TBC1D22B: variants seen among roughly 807,000 people sequenced by gnomAD.
TBC1D22B encodes chromosome 6 open reading frame 197.
A neutral mutation model predicts 69.1 loss-of-function variants in TBC1D22B; 32 were observed. The ratio of observed to expected loss-of-function variants is 0.46; its 90% CI spans 0.35 to 0.62. The LOEUF (loss-of-function observed/expected upper bound fraction) is 0.62, where lower values mean the gene tolerates loss of function less well. Ranked by LOEUF, TBC1D22B falls within the 20% of genes least tolerant of loss-of-function variation. The pLI is 0.00. For missense variants in TBC1D22B, 462 were observed against 630.9 expected (o/e 0.73, Z 2.87); for synonymous variants, 206 against 229.8 (o/e 0.90, Z 0.94).
chr6:37,299,920 A>G lies in TBC1D22B; in HGVS notation c.982+8563A>G, dbSNP rs1400906336. ...GCTACTCGGGAGGCTGAGGCAGGAGAATCGCTTGAACCTGGGAGGCAGAGG... is the reference window on the plus strand; with the variant it reads ...GCTACTCGGGAGGCTGAGGCAGGAGGATCGCTTGAACCTGGGAGGCAGAGG... On this transcript the variant is annotated intron_variant, in intron 8 of 12. Transcript: ENST00000373491. Among the ~76,000 whole-genome samples the G allele has an allele frequency of 2.0e-5, 3 of 151,422 alleles. No homozygotes were observed. In the East Asian group the frequency reaches 5.8e-4, roughly 29 times the overall value.
intron 8 of TBC1D22B, among the ~76,000 whole-genome samples, chr6:37,308,518 T>G (rs1393077986): frequency 6.6e-6 from 1 of 152,198 alleles, no homozygotes; most frequent in Non-Finnish European, 1.5e-5. Flanking sequence ...TCTCACTGGC[T>G]GTGAAAACAA....
At chr6:37,304,958 G>C (rs569820631) in intron 8 of TBC1D22B, among the ~76,000 whole-genome samples, 1 of 152,218 alleles carries the variant, frequency 6.6e-6, no homozygotes, top group Non-Finnish European at 1.5e-5. Flanking sequence ...GTTTTAAACC[G>C]GGTGGTGAGC....
intron 8 of TBC1D22B, among the ~76,000 whole-genome samples, chr6:37,311,463 G>GTTGA (rs1204903734): frequency 2.0e-5 from 3 of 152,070 alleles, no homozygotes; most frequent in African/African-American, 7.2e-5. Flanking sequence ...CTTGAGTCCA[G>GTTGA]GAGTTTGAGA....
intron 2 of TBC1D22B, among the ~76,000 whole-genome samples, chr6:37,270,534 C>T (rs985272764): frequency 3.3e-5 from 5 of 152,124 alleles, no homozygotes; most frequent in Non-Finnish European, 7.4e-5. Context: ...TATTTTCAAG[C>T]ACAACAGAGA....
chr6:37,267,386 T>TATATATATACACATATATA (rs1766323319), intron 1 of TBC1D22B, among the ~76,000 whole-genome samples: 1 of 2,912 alleles, frequency 3.4e-4, no homozygotes, highest in African/African-American at 7.6e-4. Flanking sequence ...ACATATATAA[T>TATATATATACACATATATA]ATATATATAC....
At chr6:37,289,389 T>C (rs1767107524) in intron 7 of TBC1D22B, among the ~76,000 whole-genome samples, 1 of 152,208 alleles carries the variant, frequency 6.6e-6, no homozygotes, top group African/African-American at 2.4e-5. Flanking sequence ...TATCCCAGAC[T>C]TTTTCTATAG....
At chr6:37,295,116 A>G (rs866079756) in intron 8 of TBC1D22B, among the ~76,000 whole-genome samples, 12 of 152,136 alleles carry the variant, frequency 7.9e-5, no homozygotes, top group African/African-American at 2.9e-4. Context: ...TTATTTATTT[A>G]TTTGGAGACA....
At chr6:37,321,259 T>TC (rs1391581095) in intron 12 of TBC1D22B, among the ~76,000 whole-genome samples, 2 of 151,856 alleles carry the variant, frequency 1.3e-5, no homozygotes, top group African/African-American at 4.8e-5. Flanking sequence ...AGGCCTGGAA[T>TC]CCACTCTCTG....
At chr6:37,281,987 C>A (rs2113738974) in intron 3 of TBC1D22B, among the ~76,000 whole-genome samples, 198 bp from the exon 4 acceptor site, 1 of 152,282 alleles carries the variant, frequency 6.6e-6, no homozygotes, top group South Asian at 2.1e-4. Flanking sequence ...GATATAAATG[C>A]AGCCCTTTCT....
intron 6 of TBC1D22B, among the ~76,000 whole-genome samples, chr6:37,286,645 G>A (rs963123372): frequency 1.4e-5 from 2 of 145,610 alleles, no homozygotes; most frequent in Non-Finnish European, 3.0e-5. Context: ...AAAAAAAATT[G>A]TCAAAAGAAC....
At chr6:37,270,793 C>T (rs543824873) in intron 2 of TBC1D22B, among the ~76,000 whole-genome samples, 1 of 152,276 alleles carries the variant, frequency 6.6e-6, no homozygotes, top group East Asian at 1.9e-4. Context: ...AGGTTCTCAT[C>T]TTCCTGGGGC....
chr6:37,303,653 T>C (rs1000100958), intron 8 of TBC1D22B, among the ~76,000 whole-genome samples: 9 of 152,218 alleles, frequency 5.9e-5, no homozygotes, highest in African/African-American at 2.2e-4. Context: ...TAACTTGGCA[T>C]GTAAAGGCCC....
At chr6:37,301,399 G>A (rs1296000847) in intron 8 of TBC1D22B, among the ~76,000 whole-genome samples, 1 of 152,078 alleles carries the variant, frequency 6.6e-6, no homozygotes, top group African/African-American at 2.4e-5. Context: ...TCACCCCTAA[G>A]CCTCCCATCC....
intron 8 of TBC1D22B, among the ~76,000 whole-genome samples, chr6:37,299,880 C>T (rs1220047959): frequency 6.6e-6 from 1 of 151,846 alleles, no homozygotes; most frequent in Non-Finnish European, 1.5e-5. Context: ...ATGGTGGCGG[C>T]TGCCTGTTAT....
chr6:37,295,502 C>G (rs1767336441), intron 8 of TBC1D22B: 3 of 296,080 alleles, frequency 1.0e-5, no homozygotes, highest in Admixed American at 8.8e-5. Flanking sequence ...CAAGGTCAGC[C>G]AGCTAAGATT....
At chr6:37,291,929 G>C (rs192014890) in intron 8 of TBC1D22B, among the ~76,000 whole-genome samples, 22 of 152,170 alleles carry the variant, frequency 1.4e-4, no homozygotes, top group African/African-American at 4.8e-4. Flanking sequence ...GGGTTTTCTT[G>C]TAGTCCCAGC....
intron 8 of TBC1D22B, among the ~76,000 whole-genome samples, chr6:37,300,966 C>T (rs1767549344): frequency 6.6e-6 from 1 of 152,006 alleles, no homozygotes. Flanking sequence ...CGTCAACCCT[C>T]TGTTTCCCCT....
Position 37,277,083 on chromosome 6 carries a change from G to A in TBC1D22B, c.114-2221G>A, listed in dbSNP as rs538808786. Among the ~76,000 whole-genome samples, 5 of 152,180 alleles carry A rather than the reference G, an allele frequency of 3.3e-5. No individual in the cohort carries two copies. In the South Asian group the frequency reaches 1.0e-3, roughly 32 times the overall value. Reference sequence around the variant, plus strand: ...GTCTCTCCCTGTAGTGTGTTCATCCGGTCCTGGTGTGCGTGTGTGTCACCC... The same window carrying A: ...GTCTCTCCCTGTAGTGTGTTCATCCAGTCCTGGTGTGCGTGTGTGTCACCC... On this transcript the variant is annotated intron_variant, in intron 2 of 12. Transcript: ENST00000373491.
At chr6:37,277,993 G>T (rs1377337172) in intron 2 of TBC1D22B, among the ~76,000 whole-genome samples, 3 of 151,654 alleles carry the variant, frequency 2.0e-5, no homozygotes, top group African/African-American at 7.3e-5. Context: ...ACATGGTGGT[G>T]TGCGCCTATA....
Sources: allele counts gnomAD v4.1 joint callset (sites outside exome capture counted in the v4.1 genomes callset), GRCh38; gene constraint gnomAD v4.1.1; transcripts MANE v1.5; gene names NCBI Gene and HGNC (gene_info 2026-07-23, HGNC 2026-07-21).